CAPN11: variants seen among roughly 807,000 people sequenced by gnomAD.
The protein encoded by CAPN11 is calpain-11.
Under a neutral mutation model 105.3 loss-of-function variants are expected in CAPN11, and 108 were observed. The observed-to-expected ratio is 1.03, with a 90% confidence interval of 0.88 to 1.20. The LOEUF (loss-of-function observed/expected upper bound fraction) is 1.20. CAPN11 is among the 50% of genes most tolerant of loss of function. The pLI is 0.00. For synonymous variants in CAPN11, 329 were observed against 344.5 expected, an observed-to-expected ratio of 0.96 and a Z score of 0.50; for missense variants, 883 against 924.8, an observed-to-expected ratio of 0.95 and a Z score of 0.59.
chr6:44,166,329 C>T (rs1027572881), intron 1 of CAPN11, among the ~76,000 whole-genome samples: 4 of 152,162 alleles, frequency 2.6e-5, no homozygotes, highest in Non-Finnish European at 5.9e-5. Context: ...GTCTGCAGTA[C>T]GGATTTCACC....
chr6:44,182,905 T>G, intron 19 of CAPN11, 36 bp from the exon 20 acceptor site: 1 of 1,468,388 alleles, frequency 6.8e-7, no homozygotes, highest in Non-Finnish European at 9.4e-7. Flanking sequence ...CACCATGCCA[T>G]GCATGTGGCC....
chr6:44,175,400 A>G (rs1472739976), intron 7 of CAPN11, among the ~76,000 whole-genome samples: 1 of 152,030 alleles, frequency 6.6e-6, no homozygotes, highest in African/African-American at 2.4e-5. Context: ...GGCTCGTTTG[A>G]ATCTGGGAGG....
rs774510454 is a variant in CAPN11, at chr6:44,176,572, C to T, written c.1002-9C>T. 1.2e-6 allele frequency: 2 copies of T among 1,612,208 alleles called. No individual in the cohort carries two copies. The highest frequency in any genetic ancestry group is 2.2e-5 in the South Asian group (2 of 90,960). Reference sequence around the variant, plus strand: ...GCCCCTCTCCTTCCACCGCCCATCTCTGCTCCAGTGCCAGGGAGTGGGAAG... The same window carrying T: ...GCCCCTCTCCTTCCACCGCCCATCTTTGCTCCAGTGCCAGGGAGTGGGAAG... On this transcript the variant is annotated splice_polypyrimidine_tract_variant and intron_variant, in intron 9 of 22. Coordinates refer to ENST00000398776, the MANE Select transcript of CAPN11 (RefSeq NM_007058.4).
intron 12 of CAPN11, among the ~76,000 whole-genome samples, chr6:44,178,749 T>G (rs1201654811): frequency 1.4e-5 from 1 of 70,282 alleles, no homozygotes; most frequent in South Asian, 4.9e-4. Flanking sequence ...CCTGTCTCGA[T>G]TAAAAAAAAA....
In CAPN11 at chr6:44,181,336, G is replaced by A. The variant is rs375133475; in HGVS notation, c.1938+16G>A. On this transcript the variant is annotated intron_variant, in intron 19 of 22. Coordinates refer to ENST00000398776, the MANE Select transcript of CAPN11 (RefSeq NM_007058.4). The stretch of plus-strand genomic sequence containing the variant: ...GAAATGGATGGTAAAGGGCACTAAA[G>A]GGGCAGCCTCCAGGGGTGAGGAAAA... The A allele has an allele frequency of 1.2e-6, 2 of 1,611,608 alleles. No homozygotes were observed. Among genetic ancestry groups the A allele is most frequent in the Non-Finnish European group, 1.7e-6 (2 of 1,178,056 alleles).
chr6:44,168,481 G>A (rs1770379840), intron 2 of CAPN11, among the ~76,000 whole-genome samples: 1 of 151,882 alleles, frequency 6.6e-6, no homozygotes, highest in East Asian at 1.9e-4. Context: ...GGTTGGCCAG[G>A]CTGGTCTCGA....
chr6:44,167,966 C>G (rs887980749), intron 2 of CAPN11, among the ~76,000 whole-genome samples: 2 of 151,704 alleles, frequency 1.3e-5, no homozygotes, highest in African/African-American at 4.8e-5. Context: ...AGTACAATTC[C>G]AGCTGGGTGT....
intron 4 of CAPN11, among the ~76,000 whole-genome samples, chr6:44,171,169 G>C (rs1422665203): frequency 6.6e-6 from 1 of 152,176 alleles, no homozygotes; most frequent in African/African-American, 2.4e-5. Flanking sequence ...GGTAATCATA[G>C]AAACTTTCTG....
chr6:44,162,368 GACAC>G (rs57009949), intron 1 of CAPN11, among the ~76,000 whole-genome samples: 13,157 of 138,512 alleles, frequency 0.095, 604 homozygotes, highest in East Asian at 0.12. Flanking sequence ...TTTGAATAAA[GACAC>G]ACACACACAC....
rs145993080 is a variant in CAPN11, at chr6:44,178,201, G to A, written c.1416+781G>A. 7.5e-3 allele frequency among the ~76,000 whole-genome samples: 1,146 copies of A among 152,162 alleles called. 5 individuals are homozygous for A. The highest frequency in any genetic ancestry group is 0.013 in the African/African-American group (534 of 41,520). On this transcript the variant is annotated intron_variant, in intron 12 of 22. Coordinates refer to ENST00000398776, the MANE Select transcript of CAPN11 (RefSeq NM_007058.4). The stretch of plus-strand genomic sequence containing the variant: ...TAACTACTAATGCCTTTAAGGAAGC[G>A]GAAGGAGCCTGCGGGCCAGAGACAT...
intron 1 of CAPN11, chr6:44,161,718 G>C (rs1056829078): frequency 2.2e-6 from 1 of 450,510 alleles, no homozygotes; most frequent in African/African-American, 2.0e-5. Flanking sequence ...GATGGAACCT[G>C]AATTGCCTTG....
In CAPN11 at chr6:44,183,147, G is replaced by C. The variant is rs758567359; in HGVS notation, c.2046G>C (p.Gln682His). 5.6e-6 allele frequency: 9 copies of C among 1,613,414 alleles called. No individual in the cohort carries two copies. In the Admixed American group the frequency reaches 1.0e-4, roughly 18 times the overall value. ...AGIKLNNKVM[Q>H]VLVARYADDD... ...TCAAGCTGAACAACAAGGTAATGCA[G>C]GTCCTGGTGGCCAGGTATGCAGATG... The change falls in exon 21 of 23, where the codon CAG (glutamine) becomes CAC (histidine). Residue 682 changes from glutamine to histidine, a missense_variant. Coordinates refer to ENST00000398776, the MANE Select transcript of CAPN11 (RefSeq NM_007058.4).
chr6:44,163,274 G>A (rs1356021038), intron 1 of CAPN11, among the ~76,000 whole-genome samples: 1 of 152,136 alleles, frequency 6.6e-6, no homozygotes, highest in Non-Finnish European at 1.5e-5. Flanking sequence ...CTGCTAAAAA[G>A]GGACAAGCCA....
chr6:44,179,329 C>A (rs1772735249), intron 12 of CAPN11, among the ~76,000 whole-genome samples: 1 of 147,426 alleles, frequency 6.8e-6, no homozygotes, highest in Admixed American at 6.9e-5. Flanking sequence ...GAGACAGGGT[C>A]TCACTCTATT....
chr6:44,172,618 G>A (rs978297388), intron 5 of CAPN11, among the ~76,000 whole-genome samples, 198 bp downstream of exon 5: 1 of 152,202 alleles, frequency 6.6e-6, no homozygotes, highest in Non-Finnish European at 1.5e-5. Context: ...ATAGTTGTTA[G>A]CAATTTGTGG....
chr6:44,182,865 C>G lies in CAPN11; in HGVS notation c.1939-76C>G. ...CTGGGATTACAGGCATGAGCCACCGCGCCCGGCCTCAGTATTTCATTATTT... is the reference window on the plus strand; with the variant it reads ...CTGGGATTACAGGCATGAGCCACCGGGCCCGGCCTCAGTATTTCATTATTT... On this transcript the variant is annotated intron_variant, in intron 19 of 22. Coordinates refer to ENST00000398776, the MANE Select transcript of CAPN11 (RefSeq NM_007058.4). 1.2e-5 allele frequency: 13 copies of G among 1,103,678 alleles called. No homozygotes were observed. The South Asian group carries it at 1.7e-4, about 15-fold the overall frequency. The allele number at this position is 1,103,678 out of a possible 1,614,324, so 68.4% of individuals were successfully genotyped here.
At chr6:44,159,010 G>A in intron 1 of CAPN11, 146 bp downstream of exon 1, 1 of 628,530 alleles carries the variant, frequency 1.6e-6, no homozygotes, top group Admixed American at 3.2e-5. Flanking sequence ...TGCCCCTTGA[G>A]GGTACAGAGA....
intron 9 of CAPN11, 108 bp from the exon 10 acceptor site, chr6:44,176,473 C>A (rs1222119760): frequency 3.1e-6 from 4 of 1,301,530 alleles, no homozygotes; most frequent in African/African-American, 1.5e-5. Flanking sequence ...CTCCATCTAG[C>A]TCCGCACCCC....
chr6:44,162,128 G>A (rs1036109269), intron 1 of CAPN11, among the ~76,000 whole-genome samples: 1 of 151,842 alleles, frequency 6.6e-6, no homozygotes, highest in African/African-American at 2.4e-5. Flanking sequence ...TAATCACCCC[G>A]GGTTGAGAAC....
Sources: allele counts gnomAD v4.1 joint callset (sites outside exome capture counted in the v4.1 genomes callset), GRCh38; gene constraint gnomAD v4.1.1; transcripts MANE v1.5; gene names NCBI Gene and HGNC (gene_info 2026-07-23, HGNC 2026-07-21).